MAP4: variants seen among roughly 807,000 people sequenced by gnomAD.
MAP4 encodes microtubule-associated protein 4.
In MAP4, 76 loss-of-function variants were observed where a neutral mutation model predicts 170.2. The observed-to-expected ratio is 0.45, with a 90% CI of 0.37 to 0.54. The LOEUF (loss-of-function observed/expected upper bound fraction) is 0.54. Among genes scored for constraint, MAP4 ranks in the 20% least tolerant of loss-of-function variants. The probability of loss-of-function intolerance (pLI) is 0.00; values close to 1 mark genes in which losing one functional copy is unlikely to be tolerated. For synonymous variants in MAP4, 909 were observed against 994.5 expected (o/e 0.91, Z 1.62); for missense variants, 2,506 against 2,748.0 (o/e 0.91, Z 1.97).
At chr3:47,941,477 T>C (rs1041219496) in intron 3 of MAP4, among the ~76,000 whole-genome samples, 5 of 151,892 alleles carry the variant, frequency 3.3e-5, no homozygotes, top group African/African-American at 1.2e-4. Context: ...ATTAAAAAGA[T>C]TTTTAAAAGC....
intron 3 of MAP4, among the ~76,000 whole-genome samples, chr3:47,955,360 C>G (rs1010091645): frequency 6.6e-6 from 1 of 151,112 alleles, no homozygotes; most frequent in African/African-American, 2.4e-5. Flanking sequence ...CAGGGCTATG[C>G]CATTCTCCTA....
Position 47,912,379 on chromosome 3 carries a change from T to C in MAP4, c.2042A>G (p.Gln681Arg). 1.3e-6 allele frequency: 2 copies of C among 1,528,826 alleles called. No homozygotes were observed. Among genetic ancestry groups the C allele is most frequent in the South Asian group, 1.2e-5 (1 of 83,808 alleles). 94.7% of individuals were successfully genotyped at this position (1,528,826 alleles called of 1,614,324 possible). A position where few individuals can be genotyped will look rare whatever the true frequency, so the allele number is the denominator to read the frequency against. The change falls in exon 9 of 21, where the codon CAA becomes CGA. Residue 681 changes from glutamine to arginine, a missense_variant. Physicochemically the swap from Gln to Arg is conservative, Grantham distance 43. Around this residue, in one of 3 missense-constraint regions of MAP4, gnomAD observed 2,008 missense variants for 2,206.0 expected, o/e 0.91. Transcript: ENST00000683076. The part of the protein sequence containing the change: ...YCGTPPTQAK[Q>R]VCRPSDRRST... The stretch of plus-strand genomic sequence containing the variant: ...CCTGCGGTCACTGGGTCTGCAAACT[T>C]GTTTGGCTTGTGTGGGAGGGGTACC...
chr3:48,084,900 C>T (rs2100148329), intron 1 of MAP4, among the ~76,000 whole-genome samples: 1 of 151,800 alleles, frequency 6.6e-6, no homozygotes, highest in Non-Finnish European at 1.5e-5. Context: ...CCTCAGGCTC[C>T]CAAAGTGCTG....
intron 1 of MAP4, among the ~76,000 whole-genome samples, chr3:48,001,766 G>T (rs952664123): frequency 5.9e-5 from 9 of 152,126 alleles, no homozygotes; most frequent in Non-Finnish European, 1.2e-4. Context: ...CTCCCAAAGT[G>T]CCAGGATTAC....
intron 10 of MAP4, among the ~76,000 whole-genome samples, chr3:47,898,872 CT>C (rs1157344772): frequency 6.6e-6 from 1 of 152,030 alleles, no homozygotes; most frequent in African/African-American, 2.4e-5. Context: ...AGGAGGATCA[CT>C]TAAACCTAAG....
intron 12 of MAP4, among the ~76,000 whole-genome samples, chr3:47,873,738 G>A (rs2094300299): frequency 6.6e-6 from 1 of 152,230 alleles, no homozygotes; most frequent in South Asian, 2.1e-4. Context: ...TCTGGGATGT[G>A]CATCAAATTT....
At chr3:48,075,363 A>T (rs1246152047) in intron 1 of MAP4, among the ~76,000 whole-genome samples, 3 of 152,012 alleles carry the variant, frequency 2.0e-5, no homozygotes, top group Non-Finnish European at 2.9e-5. Flanking sequence ...CGTCTCTACC[A>T]AAAATATAAA....
rs140844738 is a variant in MAP4, at chr3:47,938,346, G to A, written c.293-9996C>T. On this transcript the variant is annotated intron_variant, in intron 3 of 20. Coordinates refer to ENST00000683076, the MANE Select transcript of MAP4 (RefSeq NM_001385682.1). ...CTGTGCCACTGCACCCAGCCTGGGC[G>A]ACAGAGCGAGATTCTGTCTCAAAGG... Among the ~76,000 whole-genome samples the A allele has an allele frequency of 1.1e-3, 167 of 152,202 alleles. 2 individuals are homozygous for A. The South Asian group carries it at 0.034, about 31-fold the overall frequency.
intron 1 of MAP4, among the ~76,000 whole-genome samples, chr3:48,036,343 C>T (rs1456651159): frequency 6.6e-6 from 1 of 152,212 alleles, no homozygotes; most frequent in Non-Finnish European, 1.5e-5. Flanking sequence ...CCAGTTAGCT[C>T]CCTTCACCAA....
chr3:47,972,944 T>TTGTCAAGCATTTGTATGGACA (rs1414378694), intron 3 of MAP4: 1 of 835,958 alleles, frequency 1.2e-6, no homozygotes, highest in Non-Finnish European at 1.4e-6. Flanking sequence ...GACAAAAACT[T>TTGTCAAGCATTTGTATGGACA]AAAAGTCCAT....
At chr3:47,895,364 T>C (rs1204116031) in intron 10 of MAP4, among the ~76,000 whole-genome samples, 1 of 152,220 alleles carries the variant, frequency 6.6e-6, no homozygotes, top group Non-Finnish European at 1.5e-5. Context: ...TTTACCACTT[T>C]CACTTCTGAA....
rs188634631 is a variant in MAP4, at chr3:47,912,346, C to T, written c.2075G>A (p.Arg692Gln). 8 of 1,535,898 alleles carry T rather than the reference C, an allele frequency of 5.2e-6. No individual in the cohort carries two copies. Among genetic ancestry groups the T allele is most frequent in the Non-Finnish European group, 6.1e-6 (7 of 1,146,754 alleles). Residue 692 changes from arginine (R) to glutamine (Q), a missense_variant, in exon 9 of 21, where the codon CGG (arginine) becomes CAG (glutamine). Physicochemically the swap from Arg to Gln is conservative, Grantham distance 43. Around this residue, in one of 3 missense-constraint regions of MAP4, gnomAD observed 2,008 missense variants for 2,206.0 expected, o/e 0.91. Coordinates refer to ENST00000683076, the MANE Select transcript of MAP4 (RefSeq NM_001385682.1). ...AGGAGGGACCCTGGCAGGCTTGGGC[C>T]GGGTTGACCTGCGGTCACTGGGTCT... ...VCRPSDRRSTRPKPARVPPEL... is the reference protein window; with the variant it reads ...VCRPSDRRSTQPKPARVPPEL...
intron 8 of MAP4, 78 bp from the exon 9 acceptor site, chr3:47,912,499 G>T: frequency 7.7e-7 from 1 of 1,303,832 alleles, no homozygotes; most frequent in Non-Finnish European, 1.0e-6. Flanking sequence ...AAAAAAACCA[G>T]ACCATATAAA....
intron 3 of MAP4, among the ~76,000 whole-genome samples, chr3:47,956,646 C>G (rs1247681071): frequency 6.6e-6 from 1 of 152,226 alleles, no homozygotes; most frequent in African/African-American, 2.4e-5. Context: ...ACTCTCAGAA[C>G]AGGCACAGAC....
Position 47,871,213 on chromosome 3 carries a change from G to A in MAP4, c.6001+14C>T, listed in dbSNP as rs17729010. 99,772 of 1,613,516 alleles carry A rather than the reference G, an allele frequency of 0.062. 3,739 individuals are homozygous for A. The highest frequency in any genetic ancestry group is 0.074 in the Non-Finnish European group (87,194 of 1,179,440). Reference sequence around the variant, plus strand: ...TCAAGTTAGGGCTCTACAAAATGGCGGATGGGCTATTACCTGGTACAGACT... The same window carrying A: ...TCAAGTTAGGGCTCTACAAAATGGCAGATGGGCTATTACCTGGTACAGACT... On this transcript the variant is annotated intron_variant, in intron 14 of 20. Transcript: ENST00000683076.
chr3:47,911,133 A>G lies in MAP4; in HGVS notation c.3288T>C (p.Ala1096=). 2.0e-6 allele frequency: 3 copies of G among 1,536,150 alleles called. No individual in the cohort carries two copies. Among genetic ancestry groups the G allele is most frequent in the Non-Finnish European group, 2.6e-6 (3 of 1,146,916 alleles). ...FLLDSQKDGR[A]VLIPSEPVSK... ...AGACTGGCTCACTCGGTATGAGAAC[A>G]GCCCTTCCGTCCTTCTGGCTGTCCA... is the stretch of plus-strand genomic sequence containing the variant. Residue 1096 remains alanine, a synonymous_variant, in exon 9 of 21, where the codon GCT becomes GCC. Transcript: ENST00000683076. This position sits in a 1 kb window ranked among gnomAD's most constrained non-coding sequence, Gnocchi z 4.0.
chr3:47,949,688 A>C (rs1348933072), intron 3 of MAP4, among the ~76,000 whole-genome samples: 2 of 152,098 alleles, frequency 1.3e-5, no homozygotes, highest in African/African-American at 4.8e-5. Context: ...TTCCAAATCT[A>C]TACTTTACTG....
At chr3:48,012,340 G>A (rs1559790999) in intron 1 of MAP4, among the ~76,000 whole-genome samples, 2 of 151,980 alleles carry the variant, frequency 1.3e-5, no homozygotes, top group Admixed American at 6.6e-5. Context: ...TAATTCTTCC[G>A]CTCCTGAGAT....
In MAP4 at chr3:47,871,960, T is replaced by G. The variant is rs750685058; in HGVS notation, c.5898A>C (p.Pro1966=). 6 of 1,613,928 alleles carry G rather than the reference T, an allele frequency of 3.7e-6. No homozygotes were observed. Among genetic ancestry groups the G allele is most frequent in the Non-Finnish European group, 5.1e-6 (6 of 1,179,878 alleles). The change falls in exon 13 of 21, where the codon CCA becomes CCC. Residue 1966 remains proline, a synonymous_variant. Transcript: ENST00000683076. ...TTAAAVASTG[P]SSRSPSTLLP... is the part of the protein sequence containing the mutation. ...GGAGCGTGGAGGGGCTCCTACTGCT[T>G]GGGCCAGTTGAGGCAACAGCAGCAG... is the stretch of plus-strand genomic sequence containing the variant.
Sources: allele counts gnomAD v4.1 joint callset (sites outside exome capture counted in the v4.1 genomes callset), GRCh38; gene constraint gnomAD v4.1.1; regional missense constraint gnomAD v4.1.1; non-coding constraint Gnocchi (gnomAD v3.1); transcripts MANE v1.5; gene names NCBI Gene and HGNC (gene_info 2026-07-23, HGNC 2026-07-21).